Variants in SPEN observed in about 807,000 individuals in gnomAD.
The protein encoded by SPEN is spen family transcriptional repressor, also known as msx2-interacting protein.
SPEN carries 18 observed loss-of-function variants against 269.9 expected under a neutral mutation model. That is an observed-to-expected ratio of 0.07 (90% CI 0.05 to 0.10). The LOEUF is 0.10. SPEN is among the 10% of genes least tolerant of loss of function. The pLI is 1.00. For missense variants in SPEN, 3,822 were observed against 4,631.2 expected (o/e 0.83, Z 5.07); for synonymous variants, 1,726 against 1,765.7 (o/e 0.98, Z 0.56).
chr1:15,898,550 C>T (rs1007037573), intron 3 of SPEN, among the ~76,000 whole-genome samples: 12 of 134,826 alleles, frequency 8.9e-5, no homozygotes, highest in Non-Finnish European at 6.7e-5. Flanking sequence ...TTTTTTTTTT[C>T]TTTTTTTCTT....
Position 15,930,997 on chromosome 1 carries a change from G to C in SPEN, c.4757G>C (p.Arg1586Thr), listed in dbSNP as rs1301120897. The C allele has an allele frequency of 6.2e-6, 10 of 1,613,946 alleles. No homozygotes were observed. The highest frequency in any genetic ancestry group is 8.5e-6 in the Non-Finnish European group (10 of 1,180,028). ...IQEPVVLFHS[R>T]FMELTRMQQK... ...GAACCAGTAGTTCTGTTCCATAGCA[G>C]ATTTATGGAGCTCACACGGATGCAA... Residue 1586 changes from arginine to threonine, a missense_variant, in exon 11 of 15, where the codon AGA becomes ACA. Physicochemically the swap from Arg to Thr is moderately conservative, Grantham distance 71 (BLOSUM62 -1). This residue lies in a region of SPEN where 533 missense variants were observed against 618.8 expected (regional missense o/e 0.86). Coordinates refer to ENST00000375759, the MANE Select transcript of SPEN (RefSeq NM_015001.3). This position sits in a 1 kb window ranked among gnomAD's most constrained non-coding sequence, Gnocchi z 5.3.
chr1:15,933,100 A>G lies in SPEN; in HGVS notation c.6860A>G (p.Asn2287Ser). The stretch of plus-strand genomic sequence containing the variant: ...ACAGAATCTTCTAGGCCTCCAGTCA[A>G]TGCTCCTGACCCCTCAGCCGGCCCA... ...AATESSRPPV[N>S]APDPSAGPTD... Residue 2287 changes from asparagine to serine, a missense_variant, in exon 11 of 15, where the codon AAT becomes AGT. Physicochemically the swap from Asn to Ser is conservative, Grantham distance 46 (BLOSUM62 1). Coordinates refer to ENST00000375759, the MANE Select transcript of SPEN (RefSeq NM_015001.3). This position sits in a 1 kb window ranked among gnomAD's most constrained non-coding sequence, Gnocchi z 5.7. The G allele has an allele frequency of 1.2e-6, 2 of 1,614,194 alleles. No homozygotes were observed. Among genetic ancestry groups the G allele is most frequent in the Non-Finnish European group, 8.5e-7 (1 of 1,180,026 alleles).
intron 3 of SPEN, among the ~76,000 whole-genome samples, chr1:15,891,425 C>T (rs2070787639): frequency 6.6e-6 from 1 of 150,968 alleles, no homozygotes; most frequent in African/African-American, 2.4e-5. Flanking sequence ...CATCTCGGCT[C>T]AGTGCAAGGT....
chr1:15,860,674 C>T lies in SPEN; in HGVS notation c.84-12142C>T, dbSNP rs185145507. ...CTGGAGTGCAGTGGCACAATCTTGGCTCATTGCAACCTCCACCTCCCGGAT... is the reference window on the plus strand; with the variant it reads ...CTGGAGTGCAGTGGCACAATCTTGGTTCATTGCAACCTCCACCTCCCGGAT... On this transcript the variant is annotated intron_variant, in intron 1 of 14. Transcript: ENST00000375759. Among the ~76,000 whole-genome samples, 680 of 151,504 alleles carry T rather than the reference C, an allele frequency of 4.5e-3. 3 individuals carry two copies. The highest frequency in any genetic ancestry group is 0.015 in the African/African-American group (629 of 41,240).
rs2070629592 is a variant in SPEN, at chr1:15,876,307, T to C, written c.510T>C (p.Tyr170=). Residue 170 remains tyrosine (Y), a synonymous_variant, in exon 3 of 15, where the codon TAT becomes TAC. Transcript: ENST00000375759. The part of the protein sequence containing the change: ...DRTRHYDQDY[Y]RDPRERTLQH... The stretch of plus-strand genomic sequence containing the variant: ...CAAGACATTACGATCAGGATTACTA[T>C]AGAGATCCTCGAGAGCGGACTTTAC... 1.9e-6 allele frequency: 3 copies of C among 1,613,900 alleles called. No homozygotes were observed. Among genetic ancestry groups the C allele is most frequent in the Non-Finnish European group, 2.5e-6 (3 of 1,179,972 alleles).
chr1:15,877,403 G>A (rs1046277398), intron 3 of SPEN, among the ~76,000 whole-genome samples: 1 of 151,968 alleles, frequency 6.6e-6, no homozygotes, highest in Non-Finnish European at 1.5e-5. Flanking sequence ...CAAGTAGCTG[G>A]GATTACAAAC....
intron 3 of SPEN, among the ~76,000 whole-genome samples, chr1:15,880,453 C>CTTTTT (rs371820417): frequency 2.3e-4 from 25 of 110,982 alleles, no homozygotes; most frequent in Non-Finnish European, 3.1e-4. Flanking sequence ...GTAATTATAG[C>CTTTTT]TTTTTTTTTT....
At chr1:15,889,354 T>C (rs1254086386) in intron 3 of SPEN, among the ~76,000 whole-genome samples, 1 of 151,934 alleles carries the variant, frequency 6.6e-6, no homozygotes, top group Non-Finnish European at 1.5e-5. Flanking sequence ...TTAGTAGAGA[T>C]GGGGTTTCAC....
At chr1:15,859,903 A>ATTTT (rs1557734352) in intron 1 of SPEN, among the ~76,000 whole-genome samples, 5 of 59,308 alleles carry the variant, frequency 8.4e-5, no homozygotes, top group African/African-American at 4.0e-4. Context: ...ATCAGTTAAC[A>ATTTT]TCTTTTTTTT....
intron 3 of SPEN, among the ~76,000 whole-genome samples, chr1:15,898,131 G>A (rs1332468779): frequency 6.6e-6 from 1 of 151,944 alleles, no homozygotes; most frequent in Non-Finnish European, 1.5e-5. Flanking sequence ...AGGAACAAAG[G>A]AGAGTGACCA....
chr1:15,906,498 G>A (rs1362999123), intron 3 of SPEN, among the ~76,000 whole-genome samples: 1 of 108,472 alleles, frequency 9.2e-6, no homozygotes, highest in South Asian at 3.1e-4. Flanking sequence ...TCGCTCTGTT[G>A]TCCAGGCTGG....
intron 5 of SPEN, among the ~76,000 whole-genome samples, chr1:15,913,510 G>C (rs1171709374): frequency 6.6e-6 from 1 of 152,084 alleles, no homozygotes; most frequent in Non-Finnish European, 1.5e-5. Flanking sequence ...CCAGGCTAGA[G>C]TGTAGTGTCA....
intron 2 of SPEN, 28 bp downstream of exon 2, chr1:15,873,164 T>C (rs1569989217): frequency 6.4e-7 from 1 of 1,565,830 alleles, no homozygotes; most frequent in East Asian, 2.3e-5. Context: ...TGTAGGCAGG[T>C]ATTTTGTATT....
In SPEN at chr1:15,848,569, G is replaced by C. The variant is rs1046027260; in HGVS notation, c.83+419G>C. ...CCGCCCGACAGCCGGGTCCGGCGCCGCCACTCCAAGCTGCTCTGCGGGCGC... is the reference window on the plus strand; with the variant it reads ...CCGCCCGACAGCCGGGTCCGGCGCCCCCACTCCAAGCTGCTCTGCGGGCGC... On this transcript the variant is annotated intron_variant, in intron 1 of 14. Transcript: ENST00000375759. The surrounding 1 kb of genome is among the most constrained non-coding windows in gnomAD (Gnocchi z 5.1). 2.0e-5 allele frequency among the ~76,000 whole-genome samples: 3 copies of C among 152,058 alleles called. No homozygotes were observed. Among genetic ancestry groups the C allele is most frequent in the Admixed American group, 1.3e-4 (2 of 15,252 alleles).
chr1:15,876,994 C>T (rs1473301433), intron 3 of SPEN, among the ~76,000 whole-genome samples: 1 of 152,122 alleles, frequency 6.6e-6, no homozygotes, highest in African/African-American at 2.4e-5. Context: ...ATCTCTTTAA[C>T]ATTTTTAATT....
In SPEN at chr1:15,934,479, A is replaced by C. The variant is rs769218911; in HGVS notation, c.8239A>C (p.Thr2747Pro). ...AGTGACCGTCACAGCGGGTGCGGTT[A>C]CTGCTGCATCTGGTGGTGTAACGGC... Reference protein sequence around the residue: ...SAVTVTAGAVTAASGGVTATT... With the variant: ...SAVTVTAGAVPAASGGVTATT... The change falls in exon 11 of 15, where the codon ACT (threonine) becomes CCT (proline). Residue 2747 changes from threonine to proline, a missense_variant. By Grantham distance (38) the Thr-to-Pro change is conservative. This residue lies in a region of SPEN where 329 missense variants were observed against 431.2 expected (regional missense o/e 0.76). Transcript: ENST00000375759. This position sits in a 1 kb window ranked among gnomAD's most constrained non-coding sequence, Gnocchi z 9.2. The C allele has an allele frequency of 9.3e-6, 15 of 1,613,968 alleles. No homozygotes were observed. In the African/African-American group the frequency reaches 1.9e-4, roughly 20 times the overall value.
At chr1:15,903,005 G>A (rs972799787) in intron 3 of SPEN, among the ~76,000 whole-genome samples, 1 of 152,112 alleles carries the variant, frequency 6.6e-6, no homozygotes, top group African/African-American at 2.4e-5. Flanking sequence ...GTAAGTGAAT[G>A]TTTACAAATA....
At chr1:15,880,785 A>G (rs2070680833) in intron 3 of SPEN, among the ~76,000 whole-genome samples, 1 of 152,106 alleles carries the variant, frequency 6.6e-6, no homozygotes, top group African/African-American at 2.4e-5. Context: ...TATACATAAA[A>G]AGAACAGTGA....
chr1:15,863,273 C>T (rs544762586), intron 1 of SPEN, among the ~76,000 whole-genome samples: 1 of 151,908 alleles, frequency 6.6e-6, no homozygotes, highest in Non-Finnish European at 1.5e-5. Flanking sequence ...TGCACATGCA[C>T]ACACACACAG....
Sources: allele counts gnomAD v4.1 joint callset (sites outside exome capture counted in the v4.1 genomes callset), GRCh38; gene constraint gnomAD v4.1.1; regional missense constraint gnomAD v4.1.1; non-coding constraint Gnocchi (gnomAD v3.1); transcripts MANE v1.5; gene names NCBI Gene and HGNC (gene_info 2026-07-23, HGNC 2026-07-21).